Variants in PSMD3 observed in about 807,000 individuals in gnomAD.
PSMD3 encodes the protein 26S proteasome non-ATPase regulatory subunit 3.
A neutral mutation model predicts 62.8 loss-of-function variants in PSMD3; 5 were observed. That is an observed-to-expected ratio of 0.08 (90% confidence interval 0.04 to 0.17). The LOEUF (loss-of-function observed/expected upper bound fraction) is 0.17, where lower values mean the gene tolerates loss of function less well. Ranked by LOEUF, PSMD3 falls within the 10% of genes least tolerant of loss-of-function variation. The pLI, the probability that PSMD3 is intolerant of heterozygous loss-of-function variation, is 1.00. For missense variants in PSMD3, 524 were observed against 713.6 expected (o/e 0.73, Z 3.03); for synonymous variants, 265 against 283.9 (o/e 0.93, Z 0.67).
chr17:39,993,900 G>C (rs1980718580), intron 6 of PSMD3: 1 of 152,156 alleles, frequency 6.6e-6, no homozygotes, highest in Non-Finnish European at 1.5e-5. Context: ...AGTGAATAGA[G>C]ACTAGACACC....
Position 39,996,134 on chromosome 17 carries a change from A to AG in PSMD3, c.1321-49_1321-48insG. 1 of 1,594,918 alleles carries AG rather than the reference A, an allele frequency of 6.3e-7. No individual in the cohort carries two copies. Among genetic ancestry groups the AG allele is most frequent in the Non-Finnish European group, 8.5e-7 (1 of 1,169,902 alleles). ...AGACTCCATCTCAAAAAAAAAAAAA[A>AG]AGAAGAAGCTGGGTGTGCTGGTGAA... On this transcript the variant is annotated intron_variant, in intron 9 of 11. Coordinates refer to ENST00000264639, the MANE Select transcript of PSMD3 (RefSeq NM_002809.4). The surrounding 1 kb of genome is among the most constrained non-coding windows in gnomAD (Gnocchi z 5.1).
Position 39,996,863 on chromosome 17 carries a change from G to A in PSMD3, c.1477-467G>A. On this transcript the variant is annotated intron_variant, in intron 10 of 11. Transcript: ENST00000264639. This position sits in a 1 kb window ranked among gnomAD's most constrained non-coding sequence, Gnocchi z 5.1. The stretch of plus-strand genomic sequence containing the variant: ...TATTTGCTTGCCATGTTTTTTTCTG[G>A]TCTCCTCCGAGGAAACTAGGATATT... 1 of 446,844 alleles carries A rather than the reference G, an allele frequency of 2.2e-6. No individual in the cohort carries two copies. Among genetic ancestry groups the A allele is most frequent in the South Asian group, 1.6e-5 (1 of 62,516 alleles). 27.7% of individuals were successfully genotyped at this position (446,844 alleles called of 1,614,324 possible). A position where few individuals can be genotyped will look rare whatever the true frequency, so the allele number is the denominator to read the frequency against.
chr17:39,981,730 G>A (rs530796925), intron 1 of PSMD3, among the ~76,000 whole-genome samples: 205 of 152,304 alleles, frequency 1.3e-3, no homozygotes, highest in African/African-American at 4.7e-3. Context: ...TGTCCCAACA[G>A]TCCCCTTGCT....
Position 39,995,736 on chromosome 17 carries a change from CAT to C in PSMD3, c.1320+210_1320+211del, listed in dbSNP as rs1217536844. On this transcript the variant is annotated intron_variant, in intron 9 of 11. Coordinates refer to ENST00000264639, the MANE Select transcript of PSMD3 (RefSeq NM_002809.4). The surrounding 1 kb of genome is among the most constrained non-coding windows in gnomAD (Gnocchi z 4.1). The stretch of plus-strand genomic sequence containing the variant: ...GAGTGTGTGAGTGTAGGTGTGTGCA[CAT>C]GTTGAGTTTATGATAGTGCCTGTGA... The C allele has an allele frequency of 5.0e-6, 3 of 594,680 alleles. No homozygotes were observed. Among genetic ancestry groups the C allele is most frequent in the South Asian group, 1.9e-5 (1 of 52,042 alleles). The allele number at this position is 594,680 out of a possible 1,614,324, so 36.8% of individuals were successfully genotyped here.
chr17:39,995,159 T>G lies in PSMD3; in HGVS notation c.1097-17T>G, dbSNP rs1268511095. The G allele has an allele frequency of 1.2e-6, 2 of 1,614,080 alleles. No homozygotes were observed. Among genetic ancestry groups the G allele is most frequent in the East Asian group, 4.5e-5 (2 of 44,876 alleles). ...TGCCTATTTGCATCATCCAATCTAC[T>G]CCTGTTCTGCCTGCAGCTGTCAGGA... On this transcript the variant is annotated splice_polypyrimidine_tract_variant and intron_variant, in intron 7 of 11. Transcript: ENST00000264639. This position sits in a 1 kb window ranked among gnomAD's most constrained non-coding sequence, Gnocchi z 4.1.
rs200909296 is a variant in PSMD3, at chr17:39,995,312, G to A, written c.1216+17G>A. ...TTAAGACAGGTGTGGATCAGGATCT[G>A]AGGGGCTGTTGGAGGAGCAGAAGCC... On this transcript the variant is annotated intron_variant, in intron 8 of 11. Coordinates refer to ENST00000264639, the MANE Select transcript of PSMD3 (RefSeq NM_002809.4). The surrounding 1 kb of genome is among the most constrained non-coding windows in gnomAD (Gnocchi z 4.1). The A allele has an allele frequency of 3.6e-5, 58 of 1,613,982 alleles. No individual in the cohort carries two copies. Among genetic ancestry groups the A allele is most frequent in the Non-Finnish European group, 4.7e-5 (56 of 1,180,018 alleles).
At position 39,997,325 on chromosome 17, in the gene PSMD3, C is replaced by T. The variant is rs1433024381; in HGVS notation, c.1477-5C>T. On this transcript the variant is annotated splice_polypyrimidine_tract_variant and splice_region_variant and intron_variant, in intron 10 of 11. Coordinates refer to ENST00000264639, the MANE Select transcript of PSMD3 (RefSeq NM_002809.4). Reference sequence around the variant, plus strand: ...CGCTCATCTCCTCTCTTTGCTGTGCCCCAGGCCATGAGGTTTCCTCCCAAA... The same window carrying T: ...CGCTCATCTCCTCTCTTTGCTGTGCTCCAGGCCATGAGGTTTCCTCCCAAA... The T allele has an allele frequency of 1.9e-6, 3 of 1,613,968 alleles. No individual in the cohort carries two copies. The highest frequency in any genetic ancestry group is 1.3e-5 in the African/African-American group (1 of 74,938).
At position 39,996,801 on chromosome 17, in the gene PSMD3, C is replaced by G; in HGVS notation, c.1476+463C>G. On this transcript the variant is annotated intron_variant, in intron 10 of 11. Coordinates refer to ENST00000264639, the MANE Select transcript of PSMD3 (RefSeq NM_002809.4). This position sits in a 1 kb window ranked among gnomAD's most constrained non-coding sequence, Gnocchi z 5.1. ...ATCTAGCTCCACAAAAGGGTGAGCC[C>G]TTATCCTCAGTTAAGCACTGAGTTT... 2 of 464,096 alleles carry G rather than the reference C, an allele frequency of 4.3e-6. No individual in the cohort carries two copies. Among genetic ancestry groups the G allele is most frequent in the Admixed American group, 4.7e-5 (2 of 42,706 alleles). The allele number at this position is 464,096 out of a possible 1,614,324, so 28.7% of individuals were successfully genotyped here.
At position 39,990,139 on chromosome 17, in the gene PSMD3, C is replaced by T. The variant is rs143390511; in HGVS notation, c.923C>T (p.Thr308Met). Residue 308 changes from threonine to methionine, a missense_variant, in exon 6 of 12, where the codon ACG (threonine) becomes ATG (methionine). Around this residue, in one of 4 missense-constraint regions of PSMD3, gnomAD observed 396 missense variants for 475.8 expected, o/e 0.83. Transcript: ENST00000264639. ...IQLEYSEARRTMTNALRKAPQ... is the reference protein window; with the variant it reads ...IQLEYSEARRMMTNALRKAPQ... ...CTGGAGTACTCAGAGGCCCGGAGAA[C>T]GATGACCAACGCCCTTCGCAAGGCC... The T allele has an allele frequency of 1.2e-5, 19 of 1,614,016 alleles. No homozygotes were observed. The highest frequency in any genetic ancestry group is 1.0e-4 in the Admixed American group (6 of 59,992).
rs1174868332 is a variant in PSMD3 at position 39,984,477 on chromosome 17, T to G, written c.404T>G (p.Leu135Arg). 6.2e-7 allele frequency: 1 copy of G among 1,610,718 alleles called. No individual in the cohort carries two copies. Among genetic ancestry groups the G allele is most frequent in the Admixed American group, 1.7e-5 (1 of 59,914 alleles). The change falls in exon 2 of 12, where the codon CTG (leucine) becomes CGG (arginine). Residue 135 changes from leucine (L) to arginine (R), a missense_variant. Leu to Arg is a moderately radical substitution (Grantham distance 102, BLOSUM62 -2). Transcript: ENST00000264639. Reference protein sequence around the residue: ...NATRDFLLPFLEEPMDTEADL... With the variant: ...NATRDFLLPFREEPMDTEADL... ...ACTCGAGACTTTTTGCTCCCCTTCC[T>G]GGAAGAGGTGAGTGAGTCAGGCCAA...
chr17:39,990,182 C>G lies in PSMD3; in HGVS notation c.966C>G (p.Val322=). ...ALRKAPQHTA[V]GFKQTVHKLL... ...GCAAGGCCCCTCAGCACACAGCTGT[C>G]GGCTTCAAACAGACGGTGAGCCACA... Residue 322 remains valine, a synonymous_variant, in exon 6 of 12, where the codon GTC becomes GTG. Coordinates refer to ENST00000264639, the MANE Select transcript of PSMD3 (RefSeq NM_002809.4). 1.2e-6 allele frequency: 2 copies of G among 1,612,154 alleles called. No individual in the cohort carries two copies. The highest frequency in any genetic ancestry group is 1.7e-6 in the Non-Finnish European group (2 of 1,178,846).
In PSMD3 at chr17:39,981,201, C is replaced by T. The variant is rs1980375490; in HGVS notation, c.220+11C>T. On this transcript the variant is annotated intron_variant, in intron 1 of 11. Coordinates refer to ENST00000264639, the MANE Select transcript of PSMD3 (RefSeq NM_002809.4). ...CAGTCACCTTGGAGGGTACGGCAGC[C>T]CAGGCCGGGAACGTGCCGCGATCGC... is the stretch of plus-strand genomic sequence containing the variant. The T allele has an allele frequency of 6.5e-7, 1 of 1,549,772 alleles. No homozygotes were observed. The highest frequency in any genetic ancestry group is 8.7e-7 in the Non-Finnish European group (1 of 1,146,626).
At chr17:39,987,024 C>G (rs1021162179) in intron 3 of PSMD3, among the ~76,000 whole-genome samples, 1 of 152,100 alleles carries the variant, frequency 6.6e-6, no homozygotes, top group Non-Finnish European at 1.5e-5. Context: ...CAGCCATACC[C>G]TAGGCAAATT....
chr17:39,992,454 G>A (rs902401295), intron 6 of PSMD3, among the ~76,000 whole-genome samples: 2 of 152,140 alleles, frequency 1.3e-5, no homozygotes, highest in East Asian at 1.9e-4. Context: ...TGTAGATTCC[G>A]ATTCAGAGAG....
At position 39,990,124 on chromosome 17, in the gene PSMD3, C is replaced by CA. The variant is rs1398444432; in HGVS notation, c.909dup (p.Glu304ArgfsTer41). 6.2e-7 allele frequency: 1 copy of CA among 1,614,002 alleles called. No individual in the cohort carries two copies. Among genetic ancestry groups the CA allele is most frequent in the Non-Finnish European group, 8.5e-7 (1 of 1,180,020 alleles). ...ATCAAAGCCATCCAGCTGGAGTACT[C>CA]AGAGGCCCGGAGAACGATGACCAAC... On this transcript the variant is annotated frameshift_variant, in exon 6 of 12. Transcript: ENST00000264639. LOFTEE classifies it high-confidence loss of function.
At position 39,996,593 on chromosome 17, in the gene PSMD3, CG is replaced by C; in HGVS notation, c.1476+259del. 1.5e-6 allele frequency: 1 copy of C among 654,048 alleles called. No individual in the cohort carries two copies. The highest frequency in any genetic ancestry group is 2.8e-6 in the Non-Finnish European group (1 of 356,622). The allele number at this position is 654,048 out of a possible 1,614,324, so 40.5% of individuals were successfully genotyped here. Reference sequence around the variant, plus strand: ...GAGGACCAGGCAGGGATTCAGAGGGCGGGGTTCTACATTTGGTTCCAAATTT... The same window carrying C: ...GAGGACCAGGCAGGGATTCAGAGGGCGGGTTCTACATTTGGTTCCAAATTT... On this transcript the variant is annotated intron_variant, in intron 10 of 11. Transcript: ENST00000264639. This position sits in a 1 kb window ranked among gnomAD's most constrained non-coding sequence, Gnocchi z 5.1.
chr17:39,991,397 C>G (rs1234693688), intron 6 of PSMD3, among the ~76,000 whole-genome samples: 4 of 152,176 alleles, frequency 2.6e-5, no homozygotes, highest in African/African-American at 9.7e-5. Context: ...CTCAAGTGAT[C>G]CACCCACCTC....
In PSMD3 at chr17:39,989,825, A is replaced by T. The variant is rs1980611947; in HGVS notation, c.773A>T (p.Tyr258Phe). Reference protein sequence around the residue: ...ATLLNLLLRNYLHYSLYDQAE... With the variant: ...ATLLNLLLRNFLHYSLYDQAE... ...CTGTTGAACCTCCTGCTGCGGAATT[A>T]CCTACACTACAGCTTGTACGACCAG... The change falls in exon 5 of 12, where the codon TAC becomes TTC. Residue 258 changes from tyrosine (Y) to phenylalanine (F), a missense_variant. Tyr to Phe is a conservative substitution (Grantham distance 22). Around this residue, in one of 4 missense-constraint regions of PSMD3, gnomAD observed 396 missense variants for 475.8 expected, o/e 0.83. Transcript: ENST00000264639. The T allele has an allele frequency of 1.9e-6, 3 of 1,614,200 alleles. No homozygotes were observed. The highest frequency in any genetic ancestry group is 2.5e-6 in the Non-Finnish European group (3 of 1,180,036).
chr17:39,984,550 T>C lies in PSMD3; in HGVS notation c.411+66T>C, dbSNP rs1219395675. On this transcript the variant is annotated intron_variant, in intron 2 of 11. Transcript: ENST00000264639. ...TCAGATCCCCAGGAACAGCATTGTT[T>C]TCCATCCTAAAGTCCCATCTTATTA... 3 of 1,443,318 alleles carry C rather than the reference T, an allele frequency of 2.1e-6. No homozygotes were observed. In the African/African-American group the frequency reaches 4.3e-5, roughly 21 times the overall value. The allele number at this position is 1,443,318 out of a possible 1,614,324, so 89.4% of individuals were successfully genotyped here.
Sources: allele counts gnomAD v4.1 joint callset (sites outside exome capture counted in the v4.1 genomes callset), GRCh38; gene constraint gnomAD v4.1.1; regional missense constraint gnomAD v4.1.1; non-coding constraint Gnocchi (gnomAD v3.1); transcripts MANE v1.5; gene names NCBI Gene and HGNC (gene_info 2026-07-23, HGNC 2026-07-21).